Variants in FHIT observed in about 807,000 individuals in gnomAD.
The protein encoded by FHIT is bis(5'-adenosyl)-triphosphatase.
Under a neutral mutation model 17.9 loss-of-function variants are expected in FHIT, and 19 were observed. That is an observed-to-expected ratio of 1.06 (90% CI 0.74 to 1.56). FHIT has a LOEUF of 1.56. Ranked by LOEUF, FHIT falls within the 40% of genes most tolerant of loss-of-function variation. The pLI, the probability that FHIT is intolerant of heterozygous loss-of-function variation, is 0.00. For synonymous variants in FHIT, 81 were observed against 69.7 expected (o/e 1.16, Z -0.81); for missense variants, 248 against 189.2 (o/e 1.31, Z -1.82).
At chr3:60,204,469 T>C (rs2107501180) in intron 5 of FHIT, among the ~76,000 whole-genome samples, 1 of 151,724 alleles carries the variant, frequency 6.6e-6, no homozygotes, top group South Asian at 2.1e-4. Flanking sequence ...TTTTGTTTTT[T>C]TAGTAGAGAT....
intron 3 of FHIT, among the ~76,000 whole-genome samples, chr3:60,923,458 C>T (rs1276364783): frequency 1.3e-5 from 2 of 152,130 alleles, no homozygotes; most frequent in African/African-American, 4.8e-5. Context: ...AAATAGTGAC[C>T]AGAACCTTGT....
At chr3:59,771,819 T>C (rs1395253534) in intron 8 of FHIT, among the ~76,000 whole-genome samples, 3 of 152,224 alleles carry the variant, frequency 2.0e-5, no homozygotes, top group African/African-American at 7.2e-5. Context: ...CTTATCATTT[T>C]TAGGCATGTC....
chr3:61,073,654 T>C (rs546309651), intron 2 of FHIT, among the ~76,000 whole-genome samples: 2 of 152,194 alleles, frequency 1.3e-5, no homozygotes, highest in Non-Finnish European at 2.9e-5. Flanking sequence ...GGAGTTGGGT[T>C]TGTGCATTTT....
chr3:60,709,853 C>T (rs566444516), intron 4 of FHIT, among the ~76,000 whole-genome samples: 1 of 152,132 alleles, frequency 6.6e-6, no homozygotes, highest in Non-Finnish European at 1.5e-5. Flanking sequence ...AACAGACTCA[C>T]TTTGTGCATT....
At chr3:59,998,228 G>A (rs1172829052) in intron 7 of FHIT, among the ~76,000 whole-genome samples, 7 of 152,130 alleles carry the variant, frequency 4.6e-5, no homozygotes, top group South Asian at 2.1e-4. Flanking sequence ...GGCCAGGGCC[G>A]CAGATGAAGG....
At chr3:60,572,791 A>C (rs1055775468) in intron 4 of FHIT, among the ~76,000 whole-genome samples, 4 of 152,156 alleles carry the variant, frequency 2.6e-5, no homozygotes, top group Admixed American at 6.5e-5. Flanking sequence ...CACAGGGGTT[A>C]ATGTTGGCTG....
intron 8 of FHIT, among the ~76,000 whole-genome samples, chr3:59,892,653 T>C (rs1210533469): frequency 6.6e-6 from 1 of 152,214 alleles, no homozygotes; most frequent in Non-Finnish European, 1.5e-5. Context: ...GGAATCAGGC[T>C]ATTACCAATG....
chr3:61,011,085 G>C (rs910847242), intron 3 of FHIT, among the ~76,000 whole-genome samples: 1 of 152,056 alleles, frequency 6.6e-6, no homozygotes, highest in Non-Finnish European at 1.5e-5. Context: ...GAAGTAATGG[G>C]CTACTGAAAA....
At chr3:60,251,614 T>G (rs1483073180) in intron 5 of FHIT, among the ~76,000 whole-genome samples, 1 of 152,180 alleles carries the variant, frequency 6.6e-6, no homozygotes, top group Non-Finnish European at 1.5e-5. Flanking sequence ...TGACTCACAA[T>G]AAGATACACT....
chr3:59,768,441 C>T (rs1013190337), intron 8 of FHIT, among the ~76,000 whole-genome samples: 11 of 152,172 alleles, frequency 7.2e-5, no homozygotes, highest in Non-Finnish European at 1.6e-4. Context: ...ACTGTTCTCC[C>T]TGCATGGATG....
At chr3:61,036,914 GT>G (rs1248064270) in intron 3 of FHIT, among the ~76,000 whole-genome samples, 2 of 127,050 alleles carry the variant, frequency 1.6e-5, no homozygotes, top group South Asian at 2.5e-4. Flanking sequence ...TTTTTTTTTT[GT>G]TTGTTTGTTT....
At chr3:60,839,076 A>C (rs1435678245) in intron 3 of FHIT, among the ~76,000 whole-genome samples, 1 of 152,126 alleles carries the variant, frequency 6.6e-6, no homozygotes, top group Non-Finnish European at 1.5e-5. Flanking sequence ...AGTAGAAAAG[A>C]CAGCTAAGGG....
intron 2 of FHIT, among the ~76,000 whole-genome samples, chr3:61,200,217 A>T (rs2038972066): frequency 1.3e-5 from 2 of 152,192 alleles, no homozygotes. Flanking sequence ...AATTTCATTC[A>T]ACCCAATTGA....
rs367811037 is a variant in FHIT at position 60,929,874 on chromosome 3, C to T, written c.-110-107863G>A. Among the ~76,000 whole-genome samples, 5 of 152,110 alleles carry T rather than the reference C, an allele frequency of 3.3e-5. No individual in the cohort carries two copies. In the South Asian group the frequency reaches 8.3e-4, roughly 25 times the overall value. On this transcript the variant is annotated intron_variant, in intron 3 of 9. Transcript: ENST00000492590. ...TTGGAAAAAACTACCTTAAAGTTCA[C>T]ATGGAACCAAAAAAGAGCCTGCATT... is the stretch of plus-strand genomic sequence containing the variant.
chr3:61,035,450 A>C (rs1369640730), intron 3 of FHIT, among the ~76,000 whole-genome samples: 3 of 152,192 alleles, frequency 2.0e-5, no homozygotes, highest in Admixed American at 6.5e-5. Context: ...ATTTTGTTAA[A>C]CTACCCAAAA....
intron 3 of FHIT, among the ~76,000 whole-genome samples, chr3:61,017,788 T>C (rs1298037556): frequency 6.6e-6 from 1 of 152,186 alleles, no homozygotes; most frequent in African/African-American, 2.4e-5. Context: ...TTCTTTAATA[T>C]CACTCAGAAT....
intron 5 of FHIT, among the ~76,000 whole-genome samples, chr3:60,155,881 T>C (rs1700666824): frequency 6.6e-6 from 1 of 152,028 alleles, no homozygotes; most frequent in Non-Finnish European, 1.5e-5. Flanking sequence ...TTAGACTCCC[T>C]CTCTCTCAGT....
chr3:60,567,402 T>C (rs1434207958), intron 4 of FHIT, among the ~76,000 whole-genome samples: 4 of 152,322 alleles, frequency 2.6e-5, no homozygotes, highest in African/African-American at 7.2e-5. Context: ...TGGTTAGCCA[T>C]ATATAGAAAG....
chr3:60,029,642 G>T (rs963613013), intron 5 of FHIT, among the ~76,000 whole-genome samples: 1 of 152,106 alleles, frequency 6.6e-6, no homozygotes, highest in Admixed American at 6.6e-5. Flanking sequence ...AATAACAGAG[G>T]CTCTCTAAAA....
Sources: allele counts gnomAD v4.1 joint callset (sites outside exome capture counted in the v4.1 genomes callset), GRCh38; gene constraint gnomAD v4.1.1; transcripts MANE v1.5; gene names NCBI Gene and HGNC (gene_info 2026-07-23, HGNC 2026-07-21).